BLOC1S3: variants seen among roughly 807,000 people sequenced by gnomAD.
BLOC1S3 encodes biogenesis of lysosome-related organelles complex 1 subunit 3.
BLOC1S3 carries 7 observed loss-of-function variants against 9.1 expected under a neutral mutation model. That is an observed-to-expected ratio of 0.77 (90% CI 0.44 to 1.45). The LOEUF is 1.45. Ranked by LOEUF, BLOC1S3 falls within the 40% of genes most tolerant of loss-of-function variation. The pLI is 0.01. For missense variants in BLOC1S3, 307 were observed against 315.2 expected, an observed-to-expected ratio of 0.97 and a Z score of 0.20; for synonymous variants, 145 against 158.4, an observed-to-expected ratio of 0.92 and a Z score of 0.64.
chr19:45,202,285 G>A (rs969961620), intron 2 of BLOC1S3: 15 of 153,644 alleles, frequency 9.8e-5, no homozygotes, highest in African/African-American at 3.4e-4. Flanking sequence ...CCCCAGCCAC[G>A]TGGAACTGGG....
Position 45,179,319 on chromosome 19 carries a change from G to A in BLOC1S3, c.23G>A (p.Arg8Gln). 1 of 1,584,336 alleles carries A rather than the reference G, an allele frequency of 6.3e-7. No homozygotes were observed. The highest frequency in any genetic ancestry group is 8.5e-7 in the Non-Finnish European group (1 of 1,173,806). MASQGRR[R>Q]RPLRRPETVV... ...GCCATGGCGTCCCAGGGTCGTCGGC[G>A]GAGGCCCCTGCGGAGGCCGGAGACG... The change falls in exon 2 of 2, where the codon CGG becomes CAG. Residue 8 changes from arginine (R) to glutamine (Q), a missense_variant. Transcript: ENST00000433642. This position sits in a 1 kb window ranked among gnomAD's most constrained non-coding sequence, Gnocchi z 4.6.
At chr19:45,205,921 C>T (rs1405415395) in intron 3 of BLOC1S3, among the ~76,000 whole-genome samples, 4 of 152,116 alleles carry the variant, frequency 2.6e-5, no homozygotes, top group Non-Finnish European at 5.9e-5. Context: ...GTTAGAGAAA[C>T]GCAAATGAAA....
intron 2 of BLOC1S3, chr19:45,199,159 G>C (rs1969670823): frequency 6.6e-6 from 1 of 151,930 alleles, no homozygotes; most frequent in South Asian, 2.1e-4. Flanking sequence ...TTTGAATATT[G>C]ATATCTTTTT....
exon 2 of BLOC1S3, chr19:45,187,665 G>A (rs1969575382): frequency 6.6e-6 from 1 of 152,146 alleles, no homozygotes; most frequent in Non-Finnish European, 1.5e-5. Flanking sequence ...GAGTGAAACA[G>A]AGTCCTAGCC....
At chr19:45,204,590 A>G (rs958896495) in intron 3 of BLOC1S3, among the ~76,000 whole-genome samples, 4 of 152,192 alleles carry the variant, frequency 2.6e-5, no homozygotes, top group African/African-American at 7.2e-5. Context: ...TGGAAATCCA[A>G]GATGGCGTCT....
intron 3 of BLOC1S3, among the ~76,000 whole-genome samples, chr19:45,210,076 C>T (rs1490475337): frequency 3.3e-5 from 5 of 152,012 alleles, no homozygotes; most frequent in Admixed American, 3.3e-4. Context: ...CAAAATTATG[C>T]ACATGAAAAA....
chr19:45,188,477 T>G (rs1969581924), intron 2 of BLOC1S3, among the ~76,000 whole-genome samples: 1 of 151,470 alleles, frequency 6.6e-6, no homozygotes, highest in Admixed American at 6.6e-5. Context: ...CCCGGCTTCT[T>G]TTAGTTACTT....
chr19:45,203,475 T>C (rs1365527659), intron 3 of BLOC1S3, among the ~76,000 whole-genome samples: 4 of 152,002 alleles, frequency 2.6e-5, no homozygotes, highest in Non-Finnish European at 4.4e-5. Flanking sequence ...GGTTTCACCA[T>C]GTTGGTGAGG....
Position 45,179,272 on chromosome 19 carries a change from C to T in BLOC1S3, c.-9-16C>T. 1 of 1,554,144 alleles carries T rather than the reference C, an allele frequency of 6.4e-7. No individual in the cohort carries two copies. Among genetic ancestry groups the T allele is most frequent in the African/African-American group, 1.4e-5 (1 of 71,612 alleles). Reference sequence around the variant, plus strand: ...GCGCCGGTCTCACGTGCAGTCCCTTCGCTCTTCTCCCCTAGTTCGGTGCCA... The same window carrying T: ...GCGCCGGTCTCACGTGCAGTCCCTTTGCTCTTCTCCCCTAGTTCGGTGCCA... On this transcript the variant is annotated splice_polypyrimidine_tract_variant and intron_variant, in intron 1 of 1. Transcript: ENST00000433642. This position sits in a 1 kb window ranked among gnomAD's most constrained non-coding sequence, Gnocchi z 4.6.
intron 3 of BLOC1S3, among the ~76,000 whole-genome samples, chr19:45,207,050 T>C (rs540199289): frequency 3.3e-5 from 5 of 152,214 alleles, no homozygotes; most frequent in African/African-American, 1.2e-4. Context: ...TTGGCCAGGC[T>C]GGTCTTGAAC....
At chr19:45,203,882 A>T (rs1001660099) in intron 3 of BLOC1S3, among the ~76,000 whole-genome samples, 4 of 152,118 alleles carry the variant, frequency 2.6e-5, no homozygotes, top group Non-Finnish European at 5.9e-5. Flanking sequence ...ACCTCACCCC[A>T]AAAGCCCATT....
chr19:45,195,693 C>T (rs1490106896), intron 2 of BLOC1S3, among the ~76,000 whole-genome samples: 1 of 151,884 alleles, frequency 6.6e-6, no homozygotes, highest in Admixed American at 6.6e-5. Flanking sequence ...CTCCTGGCTT[C>T]AAGTGATTCT....
downstream of BLOC1S3, among the ~76,000 whole-genome samples, chr19:45,186,161 A>AG (rs752353804): frequency 6.7e-4 from 102 of 152,112 alleles, 1 homozygote; most frequent in South Asian, 1.0e-3. Flanking sequence ...GGTGCATGGG[A>AG]GGGGGTGAGA....
chr19:45,210,008 C>G (rs1488892624), intron 3 of BLOC1S3, among the ~76,000 whole-genome samples: 1 of 152,138 alleles, frequency 6.6e-6, no homozygotes, highest in African/African-American at 2.4e-5. Flanking sequence ...GCTGGGATTA[C>G]AGGCGTGAGC....
At chr19:45,215,809 G>A (rs1215427043) in intron 3 of BLOC1S3, among the ~76,000 whole-genome samples, 2 of 152,182 alleles carry the variant, frequency 1.3e-5, no homozygotes, top group Non-Finnish European at 2.9e-5. Flanking sequence ...CTGCCTCCAG[G>A]CAGCCCTGCG....
Position 45,179,859 on chromosome 19 carries a change from G to T in BLOC1S3, c.563G>T (p.Gly188Val), listed in dbSNP as rs1285232381. The T allele has an allele frequency of 6.2e-6, 10 of 1,609,572 alleles. No homozygotes were observed. In the African/African-American group the frequency reaches 9.4e-5, roughly 15 times the overall value. The change falls in exon 2 of 2, where the codon GGC becomes GTC. Residue 188 changes from glycine to valine, a missense_variant. Transcript: ENST00000433642. This position sits in a 1 kb window ranked among gnomAD's most constrained non-coding sequence, Gnocchi z 4.6. ...AGCRLLPDIR[G>V]VPGTEPEKDP... ...TGCCGCCTGCTGCCGGACATCCGCGGCGTGCCAGGGACCGAGCCTGAGAAA... is the reference window on the plus strand; with the variant it reads ...TGCCGCCTGCTGCCGGACATCCGCGTCGTGCCAGGGACCGAGCCTGAGAAA...
intron 3 of BLOC1S3, chr19:45,213,420 G>C (rs346740): frequency 0.82 from 1,291,949 of 1,580,714 alleles, 529,955 homozygotes; most frequent in African/African-American, 0.85. Flanking sequence ...ACCCAACCCA[G>C]CCGTGGACCC....
At chr19:45,200,875 C>G (rs1425446659) in intron 2 of BLOC1S3, among the ~76,000 whole-genome samples, 2 of 152,150 alleles carry the variant, frequency 1.3e-5, no homozygotes, top group Non-Finnish European at 2.9e-5. Context: ...AGGGGGCACC[C>G]CAGGCTCAGT....
chr19:45,181,953 C>G (rs1387132960), downstream of BLOC1S3, among the ~76,000 whole-genome samples: 1 of 152,056 alleles, frequency 6.6e-6, no homozygotes, highest in Non-Finnish European at 1.5e-5. Flanking sequence ...TGCCCTGGTT[C>G]TGTATTTACT....
Sources: allele counts gnomAD v4.1 joint callset (sites outside exome capture counted in the v4.1 genomes callset), GRCh38; gene constraint gnomAD v4.1.1; non-coding constraint Gnocchi (gnomAD v3.1); transcripts MANE v1.5; gene names NCBI Gene and HGNC (gene_info 2026-07-23, HGNC 2026-07-21).